MAPK6: variants seen among roughly 807,000 people sequenced by gnomAD.
MAPK6 encodes the protein ERK-3.
In MAPK6, 19 loss-of-function variants were observed where a neutral mutation model predicts 59.3. That is an observed-to-expected ratio of 0.32 (90% CI 0.22 to 0.47). MAPK6 has a LOEUF of 0.47. MAPK6 is among the 20% of genes least tolerant of loss of function. The probability of loss-of-function intolerance (pLI) is 1.00; values close to 1 mark genes in which losing one functional copy is unlikely to be tolerated. For synonymous variants in MAPK6, 316 were observed against 290.3 expected, an observed-to-expected ratio of 1.09 and a Z score of -0.90; for missense variants, 724 against 847.9, an observed-to-expected ratio of 0.85 and a Z score of 1.81.
chr15:51,981,882 A>G (rs1201576871), intron 1 of MAPK6, among the ~76,000 whole-genome samples: 1 of 152,180 alleles, frequency 6.6e-6, no homozygotes, highest in African/African-American at 2.4e-5. Flanking sequence ...ACTGAAAATG[A>G]GAAGTATAAG....
chr15:51,980,006 G>T (rs557089682), intron 1 of MAPK6, among the ~76,000 whole-genome samples: 1 of 151,584 alleles, frequency 6.6e-6, no homozygotes, highest in Non-Finnish European at 1.5e-5. Context: ...AAAATTAGAA[G>T]TAGAAGGGCC....
At chr15:52,044,764 A>G (rs2031544903) in intron 1 of MAPK6, among the ~76,000 whole-genome samples, 1 of 152,012 alleles carries the variant, frequency 6.6e-6, no homozygotes, top group African/African-American at 2.4e-5. Flanking sequence ...AATATAATGA[A>G]CCTTCATATA....
Position 51,992,305 on chromosome 15 carries a change from A to ATTTTTTTTTT in MAPK6, c.-770+8995_-770+9004dup, listed in dbSNP as rs61396800. Among the ~76,000 whole-genome samples the ATTTTTTTTTT allele has an allele frequency of 2.0e-5, 2 of 101,424 alleles. 1 individual carries two copies. Among genetic ancestry groups the ATTTTTTTTTT allele is most frequent in the Non-Finnish European group, 4.0e-5 (2 of 50,320 alleles). The allele number at this position is 101,424 out of a possible 152,430, so 66.5% of individuals were successfully genotyped here. On this transcript the variant is annotated intron_variant, in intron 2 of 7. Transcript: ENST00000691380. ...TATCTATCTATCTATATATATATAT[A>ATTTTTTTTTT]TTTTTTTTTTTTTTGAGACAGAGTC...
chr15:52,060,354 CA>C lies in MAPK6; in HGVS notation c.866-944del, dbSNP rs551166718. 4.6e-5 allele frequency among the ~76,000 whole-genome samples: 7 copies of C among 152,128 alleles called. No homozygotes were observed. The East Asian group carries it at 1.4e-3, about 29-fold the overall frequency. On this transcript the variant is annotated intron_variant, in intron 4 of 5. Coordinates refer to ENST00000261845, the MANE Select transcript of MAPK6 (RefSeq NM_002748.4). ...AAGGATAAGAGGATGTGTGAGTGAC[CA>C]TAGTGAAGAGGTAGGGATTGAGACA... is the stretch of plus-strand genomic sequence containing the variant.
chr15:52,051,347 C>G (rs781748542), intron 3 of MAPK6, among the ~76,000 whole-genome samples: 14 of 151,962 alleles, frequency 9.2e-5, no homozygotes, highest in Admixed American at 2.0e-4. Flanking sequence ...GTGAGCCACC[C>G]CACCAGGCCC....
At chr15:51,981,111 C>T (rs759799343) in intron 1 of MAPK6, among the ~76,000 whole-genome samples, 5 of 151,744 alleles carry the variant, frequency 3.3e-5, no homozygotes, top group Non-Finnish European at 5.9e-5. Flanking sequence ...AAATTACTCC[C>T]TATACAAATG....
intron 5 of MAPK6, 84 bp downstream of exon 5, chr15:52,061,584 AAG>A (rs2032202154): frequency 2.9e-6 from 3 of 1,030,550 alleles, no homozygotes; most frequent in Non-Finnish European, 4.3e-6. Flanking sequence ...AATTATGTAT[AAG>A]ACATTGTAGA....
chr15:52,021,141 G>A (rs1231828698), intron 1 of MAPK6, among the ~76,000 whole-genome samples: 1 of 152,060 alleles, frequency 6.6e-6, no homozygotes, highest in Non-Finnish European at 1.5e-5. Flanking sequence ...ATAAAAAAAT[G>A]CACACATTCT....
chr15:52,027,396 T>C (rs2030842565), intron 1 of MAPK6, among the ~76,000 whole-genome samples: 1 of 137,456 alleles, frequency 7.3e-6, no homozygotes, highest in Non-Finnish European at 1.5e-5. Context: ...AATAGGTCCT[T>C]AGTAGATGTA....
intron 2 of MAPK6, among the ~76,000 whole-genome samples, chr15:52,047,895 C>T (rs145762253): frequency 2.6e-4 from 39 of 152,178 alleles, no homozygotes; most frequent in African/African-American, 8.9e-4. Flanking sequence ...ATAAGTATAG[C>T]CAAAAAGATC....
chr15:52,003,657 C>T (rs567114572), intron 2 of MAPK6, among the ~76,000 whole-genome samples: 53 of 152,314 alleles, frequency 3.5e-4, no homozygotes, highest in African/African-American at 1.1e-3. Context: ...ATGTGCGCAA[C>T]TTTTCTGTTA....
At chr15:51,982,423 A>G (rs2057177168) in intron 1 of MAPK6, among the ~76,000 whole-genome samples, 1 of 152,222 alleles carries the variant, frequency 6.6e-6, no homozygotes, top group African/African-American at 2.4e-5. Context: ...CTTAACAGTA[A>G]TATGGCAAAA....
At chr15:52,030,608 A>C (rs191919755) in intron 1 of MAPK6, among the ~76,000 whole-genome samples, 1,431 of 127,306 alleles carry the variant, frequency 0.011, 15 homozygotes, top group Middle Eastern at 0.026. Context: ...ATGCAGAAGA[A>C]GGCTTTTTTT....
At chr15:52,016,294 C>T (rs530951875), upstream of MAPK6, among the ~76,000 whole-genome samples, 2 of 151,594 alleles carry the variant, frequency 1.3e-5, no homozygotes, top group East Asian at 3.9e-4. Flanking sequence ...GAGGCTGACA[C>T]AGGAGAATTG....
intron 1 of MAPK6, among the ~76,000 whole-genome samples, chr15:51,978,671 AC>A (rs1555394749): frequency 6.9e-6 from 1 of 145,882 alleles, no homozygotes; most frequent in South Asian, 2.1e-4. Context: ...CATTAAAAAA[AC>A]AAAACAAGAA....
intron 2 of MAPK6, among the ~76,000 whole-genome samples, chr15:51,988,148 A>G (rs1187271530): frequency 6.6e-6 from 1 of 152,142 alleles, no homozygotes; most frequent in Non-Finnish European, 1.5e-5. Flanking sequence ...TACCTAAACA[A>G]TTTCAGACCC....
chr15:52,025,807 T>G (rs1386735031), intron 1 of MAPK6, among the ~76,000 whole-genome samples: 1 of 152,108 alleles, frequency 6.6e-6, no homozygotes, highest in African/African-American at 2.4e-5. Flanking sequence ...TAAAAATAGT[T>G]GGATGTAGCT....
chr15:51,977,560 A>G (rs1354050314), intron 1 of MAPK6, among the ~76,000 whole-genome samples: 1 of 151,084 alleles, frequency 6.6e-6, no homozygotes, highest in Non-Finnish European at 1.5e-5. Flanking sequence ...GTTTGAGACA[A>G]AGTCTCCCTC....
At position 51,972,802 on chromosome 15, in the gene MAPK6, C is replaced by T. The variant is rs949664132; in HGVS notation, c.-880+896C>T. 1.2e-3 allele frequency among the ~76,000 whole-genome samples: 174 copies of T among 150,220 alleles called. 2 individuals carry two copies. Among genetic ancestry groups the T allele is most frequent in the African/African-American group, 4.0e-3 (166 of 41,132 alleles). ...GCGCCACTGCACTCCAGCCTGGGCA[C>T]GAGACTCCATCTCAAAAAAATAATA... On this transcript the variant is annotated intron_variant, in intron 1 of 7. Coordinates refer to the MAPK6 transcript ENST00000691380.
Sources: gnomAD v4.1 joint callset for allele counts (sites outside exome capture counted in the v4.1 genomes callset) on GRCh38, gnomAD v4.1.1 for gene constraint, MANE v1.5 for transcripts, NCBI Gene and HGNC (gene_info 2026-07-23, HGNC 2026-07-21) for gene names.